ENPP7: variants seen among roughly 807,000 people sequenced by gnomAD.
ENPP7 encodes the protein ectonucleotide pyrophosphatase/phosphodiesterase family member 7.
A neutral mutation model predicts 33.6 loss-of-function variants in ENPP7; 39 were observed. The observed-to-expected ratio is 1.16, with a 90% CI of 0.90 to 1.52. ENPP7 has a LOEUF of 1.52. Ranked by LOEUF, ENPP7 falls within the 40% of genes most tolerant of loss-of-function variation. The pLI, the probability that ENPP7 is intolerant of heterozygous loss-of-function variation, is 0.00. For missense variants in ENPP7, 594 were observed against 641.0 expected (o/e 0.93, Z 0.79); for synonymous variants, 244 against 274.3 (o/e 0.89, Z 1.09).
chr17:79,734,579 A>G (rs1449974080), intron 2 of ENPP7, among the ~76,000 whole-genome samples: 2 of 150,464 alleles, frequency 1.3e-5, no homozygotes, highest in South Asian at 2.1e-4. Flanking sequence ...CCGGGTTTAC[A>G]CTATTCTCCT....
At chr17:79,734,570 C>T (rs982488630) in intron 2 of ENPP7, among the ~76,000 whole-genome samples, 8 of 151,954 alleles carry the variant, frequency 5.3e-5, no homozygotes, top group Non-Finnish European at 8.8e-5. Flanking sequence ...CTCTGCCTCC[C>T]GGGTTTACAC....
chr17:79,738,323 C>T lies in ENPP7; in HGVS notation c.*16+261C>T. ...GACCAGTGGCCAGAATTCCCACCCT[C>T]CCCCAAAAGCCAGAACTCCCTCAGC... On this transcript the variant is annotated intron_variant, in intron 5 of 5. Transcript: ENST00000328313. The surrounding 1 kb of genome is among the most constrained non-coding windows in gnomAD (Gnocchi z 6.2). 2.5e-6 allele frequency: 1 copy of T among 403,856 alleles called. No homozygotes were observed. Among genetic ancestry groups the T allele is most frequent in the South Asian group, 3.7e-5 (1 of 27,108 alleles). 25.0% of individuals were successfully genotyped at this position (403,856 alleles called of 1,614,324 possible). A position where few individuals can be genotyped will look rare whatever the true frequency, so the allele number is the denominator to read the frequency against.
At chr17:79,732,125 T>TATATATATATACATATATAC (rs2094287078) in intron 1 of ENPP7, among the ~76,000 whole-genome samples, 2 of 38,678 alleles carry the variant, frequency 5.2e-5, no homozygotes, top group Non-Finnish European at 4.7e-5. Context: ...TATATACATA[T>TATATATATATACATATATAC]ATATATGTAT....
Position 79,733,651 on chromosome 17 carries a change from C to G in ENPP7, c.397C>G (p.Gln133Glu). ...GCCCATCTGGATCACAGCCCAGAGG[C>G]AGGTAATGTCACCCCCGCCCATACT... ...SVPIWITAQR[Q>E]GLRAGSFFYP... The change falls in exon 2 of 6, where the codon CAG becomes GAG. Residue 133 changes from glutamine (Q) to glutamate (E), a missense_variant and splice_region_variant. Transcript: ENST00000328313. 1 of 1,609,334 alleles carries G rather than the reference C, an allele frequency of 6.2e-7. No individual in the cohort carries two copies. Among genetic ancestry groups the G allele is most frequent in the Non-Finnish European group, 8.5e-7 (1 of 1,178,730 alleles).
At chr17:79,734,994 G>T (rs72855484) in intron 2 of ENPP7, 49 bp from the exon 3 acceptor site, 8 of 1,584,312 alleles carry the variant, frequency 5.0e-6, no homozygotes, top group Non-Finnish European at 6.9e-6. Flanking sequence ...CATGAGACAA[G>T]GGGCAGCCCA....
In ENPP7 at chr17:79,735,400, G is replaced by T; in HGVS notation, c.757G>T (p.Asp253Tyr). The T allele has an allele frequency of 6.2e-7, 1 of 1,614,068 alleles. No individual in the cohort carries two copies. The highest frequency in any genetic ancestry group is 8.5e-7 in the Non-Finnish European group (1 of 1,180,038). The change falls in exon 3 of 6, where the codon GAC becomes TAC. Residue 253 changes from aspartate to tyrosine, a missense_variant. Coordinates refer to ENST00000328313, the MANE Select transcript of ENPP7 (RefSeq NM_178543.5). This position sits in a 1 kb window ranked among gnomAD's most constrained non-coding sequence, Gnocchi z 5.5. ...ITSDHGMTTVDKRAGDLVEFH... is the reference protein window; with the variant it reads ...ITSDHGMTTVYKRAGDLVEFH... The stretch of plus-strand genomic sequence containing the variant: ...ATCCGACCACGGCATGACGACCGTG[G>T]ACAAACGGGCTGGCGACCTGGTTGA...
At chr17:79,732,329 G>A (rs1221284819) in intron 1 of ENPP7, among the ~76,000 whole-genome samples, 1 of 151,578 alleles carries the variant, frequency 6.6e-6, no homozygotes, top group Non-Finnish European at 1.5e-5. Flanking sequence ...CAAAAAAGGT[G>A]TTAGAGAATT....
chr17:79,737,860 A>T lies in ENPP7; in HGVS notation c.1247-56A>T. 1 of 1,594,042 alleles carries T rather than the reference A, an allele frequency of 6.3e-7. No homozygotes were observed. The highest frequency in any genetic ancestry group is 8.6e-7 in the Non-Finnish European group (1 of 1,165,544). On this transcript the variant is annotated intron_variant, in intron 4 of 5. Transcript: ENST00000328313. This position sits in a 1 kb window ranked among gnomAD's most constrained non-coding sequence, Gnocchi z 5.5. Reference sequence around the variant, plus strand: ...AGAGGACCCCGAGTTTACTGTGGAGAGGCTGGGGTGAGGAGCCATCCCTCT... The same window carrying T: ...AGAGGACCCCGAGTTTACTGTGGAGTGGCTGGGGTGAGGAGCCATCCCTCT...
At position 79,738,780 on chromosome 17, in the gene ENPP7, G is replaced by T. The variant is rs1268266890; in HGVS notation, c.*16+718G>T. 6.6e-6 allele frequency: 1 copy of T among 151,962 alleles called. No homozygotes were observed. Among genetic ancestry groups the T allele is most frequent in the Non-Finnish European group, 1.5e-5 (1 of 68,034 alleles). 9.4% of individuals were successfully genotyped at this position (151,962 alleles called of 1,614,324 possible). On this transcript the variant is annotated intron_variant, in intron 5 of 5. Transcript: ENST00000328313. The surrounding 1 kb of genome is among the most constrained non-coding windows in gnomAD (Gnocchi z 6.2). ...TTCCTGGAACTCCCCGGGAGCCTCC[G>T]AGGACAGTGCTCCCTTGTCTGTCTG...
At chr17:79,733,401 C>T (rs371802382) in intron 1 of ENPP7, 107 bp from the exon 2 acceptor site, 2 of 1,221,808 alleles carry the variant, frequency 1.6e-6, no homozygotes, top group Non-Finnish European at 2.4e-6. Flanking sequence ...CCACCCAGCA[C>T]ACAGGGAAAC....
Position 79,737,391 on chromosome 17 carries a change from A to G in ENPP7, c.1246+131A>G. ...GCCACCTCCCCTGGCTTTGGAGAAC[A>G]CCAGAATCTCTCACATTCCCACAAC... On this transcript the variant is annotated intron_variant, in intron 4 of 5. Transcript: ENST00000328313. The surrounding 1 kb of genome is among the most constrained non-coding windows in gnomAD (Gnocchi z 5.5). The G allele has an allele frequency of 4.3e-6, 3 of 704,044 alleles. No homozygotes were observed. Among genetic ancestry groups the G allele is most frequent in the Non-Finnish European group, 7.2e-6 (3 of 414,122 alleles). 43.6% of individuals were successfully genotyped at this position (704,044 alleles called of 1,614,324 possible).
intron 1 of ENPP7, 147 bp downstream of exon 1, chr17:79,731,539 G>C (rs1366912886): frequency 9.2e-7 from 1 of 1,090,872 alleles, no homozygotes; most frequent in Non-Finnish European, 1.3e-6. Flanking sequence ...CCTCACCGTT[G>C]GTAGCAACAG....
chr17:79,737,801 G>T lies in ENPP7; in HGVS notation c.1247-115G>T. 8.6e-7 allele frequency: 1 copy of T among 1,164,684 alleles called. No homozygotes were observed. Among genetic ancestry groups the T allele is most frequent in the South Asian group, 1.3e-5 (1 of 74,532 alleles). The allele number at this position is 1,164,684 out of a possible 1,614,324, so 72.1% of individuals were successfully genotyped here. ...CAAAGGCCATGGGACCAAGGGGGCG[G>T]TGAAAGAGGAAGGAGGGGCTCGTGG... On this transcript the variant is annotated intron_variant, in intron 4 of 5. Coordinates refer to ENST00000328313, the MANE Select transcript of ENPP7 (RefSeq NM_178543.5). The surrounding 1 kb of genome is among the most constrained non-coding windows in gnomAD (Gnocchi z 5.5).
Position 79,735,368 on chromosome 17 carries a change from T to G in ENPP7, c.725T>G (p.Ile242Ser). 1.2e-6 allele frequency: 2 copies of G among 1,613,886 alleles called. No homozygotes were observed. Among genetic ancestry groups the G allele is most frequent in the South Asian group, 2.2e-5 (2 of 91,076 alleles). ...CACCTCACAGACCGCCTCAACCTGATCATCACATCCGACCACGGCATGACG... is the reference window on the plus strand; with the variant it reads ...CACCTCACAGACCGCCTCAACCTGAGCATCACATCCGACCACGGCATGACG... ...RNHLTDRLNL[I>S]ITSDHGMTTV... The change falls in exon 3 of 6, where the codon ATC becomes AGC. Residue 242 changes from isoleucine (I) to serine (S), a missense_variant. This residue lies in a region of ENPP7 where 504 missense variants were observed against 512.8 expected (regional missense o/e 0.98). Transcript: ENST00000328313. This position sits in a 1 kb window ranked among gnomAD's most constrained non-coding sequence, Gnocchi z 5.5.
rs2094297735 is a variant in ENPP7 at position 79,737,262 on chromosome 17, T to C, written c.1246+2T>C. ...CTCTGCTGCCCATGCTGCACACAGG[T>C]GAGGGCAGGGTGCCCCAAATCCCCG... On this transcript the variant is annotated splice_donor_variant, in intron 4 of 5. Coordinates refer to ENST00000328313, the MANE Select transcript of ENPP7 (RefSeq NM_178543.5). LOFTEE classifies it high-confidence loss of function. This position sits in a 1 kb window ranked among gnomAD's most constrained non-coding sequence, Gnocchi z 5.5. 1.3e-6 allele frequency: 2 copies of C among 1,595,078 alleles called. No individual in the cohort carries two copies. The highest frequency in any genetic ancestry group is 1.3e-5 in the African/African-American group (1 of 74,766).
intron 2 of ENPP7, among the ~76,000 whole-genome samples, chr17:79,733,982 G>A (rs1416017257): frequency 2.0e-5 from 3 of 152,196 alleles, no homozygotes; most frequent in East Asian, 1.9e-4. Context: ...TGCAGCATTG[G>A]GGGTGAGGGT....
chr17:79,733,403 C>A, intron 1 of ENPP7, 105 bp from the exon 2 acceptor site: 1 of 1,242,600 alleles, frequency 8.0e-7, no homozygotes, highest in Non-Finnish European at 1.2e-6. Context: ...ACCCAGCACA[C>A]AGGGAAACCT....
Position 79,731,048 on chromosome 17 carries a change from T to G in ENPP7, c.-92T>G. On this transcript the variant is annotated 5_prime_UTR_variant, in exon 1 of 6. The change abolishes an upstream ATG in the 5' untranslated region. Transcript: ENST00000328313. ...AGCCACATTCCAAAGGCGCACGGGA[T>G]GAGATCAGCCCGGGTGACCCTGGGA... is the stretch of plus-strand genomic sequence containing the variant. 1.2e-3 allele frequency: 1,672 copies of G among 1,362,080 alleles called. No individual in the cohort carries two copies. The highest frequency in any genetic ancestry group is 1.5e-3 in the Non-Finnish European group (1,532 of 1,017,688). The allele number at this position is 1,362,080 out of a possible 1,614,324, so 84.4% of individuals were successfully genotyped here.
At chr17:79,731,706 A>T (rs2145788139) in intron 1 of ENPP7, among the ~76,000 whole-genome samples, 1 of 151,838 alleles carries the variant, frequency 6.6e-6, no homozygotes, top group East Asian at 1.9e-4. Flanking sequence ...TGGCTGTGTC[A>T]GCCTCTCCCT....
Sources: allele counts gnomAD v4.1 joint callset (sites outside exome capture counted in the v4.1 genomes callset), GRCh38; gene constraint gnomAD v4.1.1; regional missense constraint gnomAD v4.1.1; non-coding constraint Gnocchi (gnomAD v3.1); transcripts MANE v1.5; gene names NCBI Gene and HGNC (gene_info 2026-07-23, HGNC 2026-07-21).